OPCML: variants seen among roughly 807,000 people sequenced by gnomAD.
OPCML encodes opioid binding protein/cell adhesion molecule like.
In OPCML, 13 loss-of-function variants were observed where a neutral mutation model predicts 37.8. That is an observed-to-expected ratio of 0.34 (90% confidence interval 0.22 to 0.55). The LOEUF (loss-of-function observed/expected upper bound fraction) is 0.55, where lower values mean the gene tolerates loss of function less well. Among genes scored for constraint, OPCML ranks in the 20% least tolerant of loss-of-function variants. OPCML has a pLI of 0.91. For synonymous variants in OPCML, 176 were observed against 168.8 expected (o/e 1.04, Z -0.33); for missense variants, 341 against 435.6 (o/e 0.78, Z 1.93).
intron 2 of OPCML, among the ~76,000 whole-genome samples, chr11:132,883,484 C>G (rs2725432): frequency 0.57 from 86,483 of 151,942 alleles, 25,782 homozygotes; most frequent in African/African-American, 0.76. Flanking sequence ...AAGAGAGGAA[C>G]AGCTCAGTGA....
intron 2 of OPCML, among the ~76,000 whole-genome samples, chr11:132,851,076 C>A (rs1050631445): frequency 1.3e-5 from 2 of 152,134 alleles, no homozygotes; most frequent in Admixed American, 1.3e-4. Context: ...GTAGCATATC[C>A]TTTATTTATG....
intron 2 of OPCML, among the ~76,000 whole-genome samples, chr11:132,721,950 CTTTTTTTTTTT>C (rs34325848): frequency 1.2e-5 from 1 of 82,782 alleles, no homozygotes; most frequent in Non-Finnish European, 2.2e-5. Context: ...CTTTCCTTCC[CTTTTTTTTTTT>C]TTTTTTTTTT....
chr11:132,792,010 C>T (rs1422878661), intron 2 of OPCML, among the ~76,000 whole-genome samples: 2 of 152,178 alleles, frequency 1.3e-5, no homozygotes, highest in Admixed American at 6.5e-5. Context: ...AAAAGCCAGA[C>T]CTTGATTCTG....
intron 3 of OPCML, among the ~76,000 whole-genome samples, chr11:132,576,767 A>G (rs565355136): frequency 1.3e-5 from 2 of 152,242 alleles, no homozygotes; most frequent in African/African-American, 4.8e-5. Flanking sequence ...GACGACTCCT[A>G]CCAATCAGCC....
At chr11:132,588,465 C>T (rs1289053333) in intron 3 of OPCML, among the ~76,000 whole-genome samples, 1 of 152,134 alleles carries the variant, frequency 6.6e-6, no homozygotes, top group Non-Finnish European at 1.5e-5. Flanking sequence ...ATGGATTCCA[C>T]AGTCCATCCC....
chr11:132,527,249 G>A (rs1016689985), intron 4 of OPCML, among the ~76,000 whole-genome samples: 1 of 152,132 alleles, frequency 6.6e-6, no homozygotes, highest in South Asian at 2.1e-4. Context: ...TAAATGCCTA[G>A]GAGTGGAATT....
At chr11:132,838,120 G>C (rs1941121645) in intron 2 of OPCML, among the ~76,000 whole-genome samples, 1 of 152,070 alleles carries the variant, frequency 6.6e-6, no homozygotes, top group South Asian at 2.1e-4. Flanking sequence ...GTATTTTCAT[G>C]CCTAAAATAT....
intron 1 of OPCML, among the ~76,000 whole-genome samples, chr11:133,506,712 T>C (rs1472513443): frequency 2.6e-5 from 4 of 152,204 alleles, no homozygotes; most frequent in East Asian, 1.9e-4. Flanking sequence ...AAACAGTGCA[T>C]GGTATTGTCC....
intron 2 of OPCML, among the ~76,000 whole-genome samples, chr11:132,847,753 C>T (rs941981536): frequency 2.6e-5 from 4 of 152,100 alleles, no homozygotes; most frequent in Non-Finnish European, 5.9e-5. Context: ...TTTTTTCTCT[C>T]CTTTTAGTAT....
rs562217340 is a variant in OPCML at position 133,240,177 on chromosome 11, T to G, written c.61+292087A>C. On this transcript the variant is annotated intron_variant, in intron 1 of 7. Transcript: ENST00000524381. ...TTCCCTTCTGCAAATAAGTCTCCTC[T>G]AGAATGGACTGAATGAATACTCCCA... Among the ~76,000 whole-genome samples, 273 of 110,638 alleles carry G rather than the reference T, an allele frequency of 2.5e-3. 1 individual carries two copies. The highest frequency in any genetic ancestry group is 9.4e-3 in the African/African-American group (258 of 27,408). The allele number at this position is 110,638 out of a possible 152,430, so 72.6% of individuals were successfully genotyped here. A position where few individuals can be genotyped will look rare whatever the true frequency, so the allele number is the denominator to read the frequency against.
At chr11:132,586,631 C>T (rs779717079) in intron 3 of OPCML, among the ~76,000 whole-genome samples, 13 of 152,144 alleles carry the variant, frequency 8.5e-5, no homozygotes, top group Non-Finnish European at 1.9e-4. Context: ...CTGACGTATT[C>T]CAAAGGGACA....
At chr11:133,074,919 A>G (rs2137017220) in intron 1 of OPCML, among the ~76,000 whole-genome samples, 1 of 152,200 alleles carries the variant, frequency 6.6e-6, no homozygotes, top group East Asian at 1.9e-4. Flanking sequence ...CCATGCACAG[A>G]ATGACGCCCA....
At chr11:133,059,583 A>G (rs1050288714) in intron 1 of OPCML, among the ~76,000 whole-genome samples, 2 of 152,226 alleles carry the variant, frequency 1.3e-5, no homozygotes, top group African/African-American at 4.8e-5. Context: ...TCATTAAACA[A>G]AGAAACACTT....
At chr11:133,032,263 C>T (rs909040081) in intron 1 of OPCML, among the ~76,000 whole-genome samples, 18 of 152,298 alleles carry the variant, frequency 1.2e-4, no homozygotes, top group African/African-American at 4.3e-4. Flanking sequence ...TGACTCAAAT[C>T]TGGCCAATCA....
chr11:132,429,030 T>C (rs1446965141), intron 7 of OPCML, among the ~76,000 whole-genome samples: 1 of 122,726 alleles, frequency 8.1e-6, no homozygotes, highest in Non-Finnish European at 1.8e-5. Context: ...GATGAATGGA[T>C]GGAGGGATGG....
At chr11:132,841,553 T>C (rs1413174848) in intron 2 of OPCML, among the ~76,000 whole-genome samples, 3 of 152,142 alleles carry the variant, frequency 2.0e-5, no homozygotes, top group African/African-American at 7.2e-5. Flanking sequence ...CTACCTTCAG[T>C]TGAGGATAGG....
rs111325555 is a variant in OPCML, at chr11:132,436,818, C to T, written c.644-39G>A. 168 of 1,602,318 alleles carry T rather than the reference C, an allele frequency of 1.0e-4. 2 individuals carry two copies. The highest frequency in any genetic ancestry group is 5.2e-4 in the East Asian group (23 of 44,500). On this transcript the variant is annotated intron_variant, in intron 5 of 7. Transcript: ENST00000524381. ...ACACACACACATGCACAGGCATGCACGCACGCACACACAGAGTGATTTCGT... is the reference window on the plus strand; with the variant it reads ...ACACACACACATGCACAGGCATGCATGCACGCACACACAGAGTGATTTCGT...
chr11:133,040,955 G>C (rs922105357), intron 1 of OPCML, among the ~76,000 whole-genome samples: 1 of 152,188 alleles, frequency 6.6e-6, no homozygotes, highest in Admixed American at 6.5e-5. Context: ...TTACCTGCTA[G>C]AGATCAGCAG....
At position 132,657,076 on chromosome 11, in the gene OPCML, C is replaced by T. The variant is rs111837987; in HGVS notation, c.379+11G>A. 4.8e-4 allele frequency: 781 copies of T among 1,612,462 alleles called. 8 individuals carry two copies. In the African/African-American group the frequency reaches 8.7e-3, roughly 18 times the overall value. ...ACGGGAATGGCAACCCCAGATCCAG[C>T]TGGGACTTACCTTGCACTATTAGGT... On this transcript the variant is annotated intron_variant, in intron 3 of 7. Coordinates refer to ENST00000524381, the MANE Select transcript of OPCML (RefSeq NM_001012393.5).
Sources: allele counts gnomAD v4.1 joint callset (sites outside exome capture counted in the v4.1 genomes callset), GRCh38; gene constraint gnomAD v4.1.1; transcripts MANE v1.5; gene names NCBI Gene and HGNC (gene_info 2026-07-23, HGNC 2026-07-21).